The following TRAPPC4 variants were observed in gnomAD, a reference collection of about 807,000 sequenced individuals.
TRAPPC4 encodes trafficking protein particle complex subunit 4.
TRAPPC4 carries 30 observed loss-of-function variants against 23.5 expected under a neutral mutation model. That is an observed-to-expected ratio of 1.28 (90% CI 0.96 to 1.73). The LOEUF (loss-of-function observed/expected upper bound fraction) is 1.73, where lower values mean the gene tolerates loss of function less well. Ranked by LOEUF, TRAPPC4 falls within the 40% of genes most tolerant of loss-of-function variation. The probability of loss-of-function intolerance (pLI) is 0.00; values close to 1 mark genes in which losing one functional copy is unlikely to be tolerated. For synonymous variants in TRAPPC4, 129 were observed against 105.3 expected, an observed-to-expected ratio of 1.23 and a Z score of -1.38; for missense variants, 252 against 268.9, an observed-to-expected ratio of 0.94 and a Z score of 0.44.
rs1450946322 is a variant in TRAPPC4, at chr11:119,019,289, A to C, written c.322A>C (p.Lys108Gln). The C allele has an allele frequency of 6.2e-7, 1 of 1,614,082 alleles. No individual in the cohort carries two copies. Among genetic ancestry groups the C allele is most frequent in the South Asian group, 1.1e-5 (1 of 91,076 alleles). ...CCGGCCCCGCCTCACTTCTAATGAGAAGCTTATGCTGGCCTCCATGTTCCA... is the reference window on the plus strand; with the variant it reads ...CCGGCCCCGCCTCACTTCTAATGAGCAGCTTATGCTGGCCTCCATGTTCCA... ...FGRPRLTSNEKLMLASMFHSL... is the reference protein window; with the variant it reads ...FGRPRLTSNEQLMLASMFHSL... The change falls in exon 2 of 5, where the codon AAG (lysine) becomes CAG (glutamine). Residue 108 changes from lysine to glutamine, a missense_variant. Around this residue, in one of 3 missense-constraint regions of TRAPPC4, gnomAD observed 222 missense variants for 217.8 expected, o/e 1.02. Transcript: ENST00000533632.
Position 119,018,901 on chromosome 11 carries a change from C to T in TRAPPC4, c.106C>T (p.Leu36=), listed in dbSNP as rs1943244875. ...AEAEKTFSYP[L]DLLLKLHDER... is the part of the protein sequence containing the mutation. The stretch of plus-strand genomic sequence containing the variant: ...GGCTGAGAAAACTTTCAGTTATCCG[C>T]TGGATCTGCTGCTCAAGCTACACGA... Residue 36 remains leucine (L), a synonymous_variant, in exon 1 of 5, where the codon CTG becomes TTG. Transcript: ENST00000533632. 1.2e-6 allele frequency: 2 copies of T among 1,613,942 alleles called. No homozygotes were observed. The highest frequency in any genetic ancestry group is 1.3e-5 in the African/African-American group (1 of 74,938).
intron 3 of TRAPPC4, 75 bp downstream of exon 3, chr11:119,020,328 A>G (rs781892242): frequency 5.6e-6 from 7 of 1,251,804 alleles, no homozygotes; most frequent in Non-Finnish European, 6.9e-6. Context: ...TTGCATCTCC[A>G]GGTGGGCCAG....
Position 119,021,840 on chromosome 11 carries a change from G to A in TRAPPC4, c.535G>A (p.Asp179Asn). The change falls in exon 4 of 5, where the codon GAC (aspartate) becomes AAC (asparagine). Residue 179 changes from aspartate to asparagine, a missense_variant. Around this residue, in one of 3 missense-constraint regions of TRAPPC4, gnomAD observed 9 missense variants for 26.2 expected, o/e 0.34. Transcript: ENST00000533632. ...LLRKIYEIYS[D>N]FALKNPFYSL... Reference sequence around the variant, plus strand: ...CCGAAAGATTTATGAGATTTACTCAGACTTTGCCCTCAAGAATCCATTCTA... The same window carrying A: ...CCGAAAGATTTATGAGATTTACTCAAACTTTGCCCTCAAGAATCCATTCTA... 6.2e-7 allele frequency: 1 copy of A among 1,614,154 alleles called. No homozygotes were observed.
Position 119,018,810 on chromosome 11 carries a change from T to C in TRAPPC4, c.15T>C (p.Ser5=), listed in dbSNP as rs1565678378. 5 of 1,613,110 alleles carry C rather than the reference T, an allele frequency of 3.1e-6. No individual in the cohort carries two copies. The African/African-American group carries it at 4.0e-5, about 13-fold the overall frequency. Residue 5 remains serine (S), a synonymous_variant, in exon 1 of 5, where the codon AGT becomes AGC. Coordinates refer to ENST00000533632, the MANE Select transcript of TRAPPC4 (RefSeq NM_016146.6). ...GCAAGGCAGCGATGGCGATTTTTAG[T>C]GTGTATGTGGTGAACAAAGCTGGCG... is the stretch of plus-strand genomic sequence containing the variant. MAIF[S]VYVVNKAGGL...
At chr11:119,019,495 G>T in intron 2 of TRAPPC4, 178 bp downstream of exon 2, 2 of 647,526 alleles carry the variant, frequency 3.1e-6, no homozygotes, top group East Asian at 2.9e-5. Flanking sequence ...AGGCTGGAGC[G>T]CAGTGGCGGG....
chr11:119,022,418 T>C (rs1037062607), intron 4 of TRAPPC4, among the ~76,000 whole-genome samples: 1 of 150,670 alleles, frequency 6.6e-6, no homozygotes, highest in Non-Finnish European at 1.5e-5. Context: ...TAGAACCCCA[T>C]CTTTACAAAA....
chr11:119,021,758 A>G lies in TRAPPC4; in HGVS notation c.455-2A>G, dbSNP rs569958006. The G allele has an allele frequency of 1.9e-6, 3 of 1,614,028 alleles. No homozygotes were observed. In the African/African-American group the frequency reaches 4.0e-5, roughly 22 times the overall value. On this transcript the variant is annotated splice_acceptor_variant, in intron 3 of 4. Transcript: ENST00000533632. LOFTEE classifies it high-confidence loss of function. Reference sequence around the variant, plus strand: ...TGGTAACCATTCTTGGTCTCTCTCCAGGGATCAAGTTTGTGGTTCTAGCAG... The same window carrying G: ...TGGTAACCATTCTTGGTCTCTCTCCGGGGATCAAGTTTGTGGTTCTAGCAG...
At chr11:119,019,993 A>T (rs782425190) in intron 2 of TRAPPC4, 157 bp from the exon 3 acceptor site, 36 of 542,804 alleles carry the variant, frequency 6.6e-5, no homozygotes, top group Non-Finnish European at 1.1e-4. Context: ...CAGAATTCAA[A>T]TGAACTTAGA....
At chr11:119,019,089 C>T (rs1486671040) in intron 1 of TRAPPC4, 54 bp from the exon 2 acceptor site, 6 of 1,598,498 alleles carry the variant, frequency 3.8e-6, no homozygotes, top group African/African-American at 1.3e-5. Context: ...CCCTTGTCCC[C>T]TCGGCGGAAT....
At chr11:119,020,295 G>A in intron 3 of TRAPPC4, 42 bp downstream of exon 3, 2 of 1,509,456 alleles carry the variant, frequency 1.3e-6, no homozygotes, top group Non-Finnish European at 1.8e-6. Context: ...GATGGAGAAG[G>A]TGGGGAAGAG....
Position 119,023,957 on chromosome 11 carries a change from T to C in TRAPPC4, c.*558T>C, listed in dbSNP as rs1197604755. Reference sequence around the variant, plus strand: ...TACAGCCAGGCATTCCTGCTTTATCTCACTTGATCTTCACCCTAACTCCAG... The same window carrying C: ...TACAGCCAGGCATTCCTGCTTTATCCCACTTGATCTTCACCCTAACTCCAG... On this transcript the variant is annotated 3_prime_UTR_variant, in exon 5 of 5. Transcript: ENST00000533632. The C allele has an allele frequency of 6.5e-6, 1 of 152,894 alleles. No homozygotes were observed. Among genetic ancestry groups the C allele is most frequent in the African/African-American group, 2.4e-5 (1 of 41,456 alleles). 9.5% of individuals were successfully genotyped at this position (152,894 alleles called of 1,614,324 possible).
chr11:119,019,190 T>C lies in TRAPPC4; in HGVS notation c.223T>C (p.Tyr75His), dbSNP rs781982243. ...CAATGGCATGGACGTGAATGGCAGGTACACGGCCGACGGGAAAGAGGTGCT... is the reference window on the plus strand; with the variant it reads ...CAATGGCATGGACGTGAATGGCAGGCACACGGCCGACGGGAAAGAGGTGCT... ...AINGMDVNGR[Y>H]TADGKEVLEY... The change falls in exon 2 of 5, where the codon TAC (tyrosine) becomes CAC (histidine). Residue 75 changes from tyrosine (Y) to histidine (H), a missense_variant. This residue lies in a region of TRAPPC4 where 222 missense variants were observed against 217.8 expected (regional missense o/e 1.02). Transcript: ENST00000533632. 2 of 1,613,408 alleles carry C rather than the reference T, an allele frequency of 1.2e-6. No individual in the cohort carries two copies. Among genetic ancestry groups the C allele is most frequent in the African/African-American group, 2.7e-5 (2 of 74,920 alleles).
In TRAPPC4 at chr11:119,021,807, T is replaced by G. The variant is rs77881460; in HGVS notation, c.502T>G (p.Ser168Ala). 8 of 1,614,150 alleles carry G rather than the reference T, an allele frequency of 5.0e-6. No individual in the cohort carries two copies. In the Admixed American group the frequency reaches 8.3e-5, roughly 17 times the overall value. The change falls in exon 4 of 5, where the codon TCT becomes GCT. Residue 168 changes from serine to alanine, a missense_variant. Around this residue, in one of 3 missense-constraint regions of TRAPPC4, gnomAD observed 222 missense variants for 217.8 expected, o/e 1.02. Coordinates refer to ENST00000533632, the MANE Select transcript of TRAPPC4 (RefSeq NM_016146.6). ...LADPRQAGID[S>A]LLRKIYEIYS... The stretch of plus-strand genomic sequence containing the variant: ...AGATCCTAGGCAAGCTGGAATAGAT[T>G]CTCTTCTCCGAAAGATTTATGAGAT...
intron 2 of TRAPPC4, 172 bp from the exon 3 acceptor site, chr11:119,019,978 A>G (rs1943300915): frequency 3.7e-6 from 2 of 536,416 alleles, no homozygotes; most frequent in South Asian, 2.6e-5. Context: ...AATGTAAAAT[A>G]TTCACAGAAT....
At position 119,023,617 on chromosome 11, in the gene TRAPPC4, G is replaced by A. The variant is rs143882554; in HGVS notation, c.*218G>A. The A allele has an allele frequency of 4.8e-6, 2 of 420,694 alleles. No homozygotes were observed. Among genetic ancestry groups the A allele is most frequent in the East Asian group, 3.6e-5 (1 of 27,974 alleles). The allele number at this position is 420,694 out of a possible 1,614,324, so 26.1% of individuals were successfully genotyped here. A position where few individuals can be genotyped will look rare whatever the true frequency, so the allele number is the denominator to read the frequency against. On this transcript the variant is annotated 3_prime_UTR_variant, in exon 5 of 5. Transcript: ENST00000533632. ...TCCAACTCTGTACAGATTTATTTAT[G>A]GAGGAGCTAGGTCCATAAATGTTGT...
chr11:119,019,363 C>G (rs1427717895), intron 2 of TRAPPC4, 46 bp downstream of exon 2: 1 of 1,577,498 alleles, frequency 6.3e-7, no homozygotes, highest in Non-Finnish European at 8.6e-7. Flanking sequence ...ATTTGTCTAC[C>G]TTTTCTTAAA....
intron 1 of TRAPPC4, 57 bp downstream of exon 1, chr11:119,019,027 G>C (rs782620338): frequency 1.9e-6 from 3 of 1,594,964 alleles, no homozygotes; most frequent in Non-Finnish European, 2.6e-6. Flanking sequence ...CAGTGCTGTA[G>C]AAGTGGGCTG....
At chr11:119,019,081 C>T (rs1038088231) in intron 1 of TRAPPC4, 62 bp from the exon 2 acceptor site, 11 of 1,595,686 alleles carry the variant, frequency 6.9e-6, no homozygotes, top group East Asian at 2.2e-5. Context: ...TGTCGGGTCC[C>T]TTGTCCCCTC....
rs1265834257 is a variant in TRAPPC4 at position 119,020,138 on chromosome 11, C to CT, written c.351-9dup. 18 of 1,608,700 alleles carry CT rather than the reference C, an allele frequency of 1.1e-5. No individual in the cohort carries two copies. The highest frequency in any genetic ancestry group is 1.5e-5 in the Non-Finnish European group (18 of 1,175,738). On this transcript the variant is annotated splice_polypyrimidine_tract_variant and intron_variant, in intron 2 of 4. Transcript: ENST00000533632. ...TCCTTCCTTAGAGCAACTTTGCCTC[C>CT]TTTGCATATAGGCTCTTTGCCATCG...
Sources: allele counts gnomAD v4.1 joint callset (sites outside exome capture counted in the v4.1 genomes callset), GRCh38; gene constraint gnomAD v4.1.1; regional missense constraint gnomAD v4.1.1; transcripts MANE v1.5; gene names NCBI Gene and HGNC (gene_info 2026-07-23, HGNC 2026-07-21).